Variants in RTKN2 observed in about 807,000 individuals in gnomAD.
RTKN2 encodes the protein rhotekin 2, also known as rhotekin-2.
A neutral mutation model predicts 71.5 loss-of-function variants in RTKN2; 69 were observed. The observed-to-expected ratio is 0.96, with a 90% CI of 0.79 to 1.18. The LOEUF (loss-of-function observed/expected upper bound fraction) is 1.18. RTKN2 is among the 50% of genes most tolerant of loss of function. The pLI, the probability that RTKN2 is intolerant of heterozygous loss-of-function variation, is 0.00. For synonymous variants in RTKN2, 236 were observed against 236.5 expected, an observed-to-expected ratio of 1.00 and a Z score of 0.02; for missense variants, 724 against 719.7, an observed-to-expected ratio of 1.01 and a Z score of -0.07.
intron 1 of RTKN2, among the ~76,000 whole-genome samples, chr10:62,264,313 T>C (rs1395069181): frequency 6.6e-6 from 1 of 152,214 alleles, no homozygotes; most frequent in Non-Finnish European, 1.5e-5. Flanking sequence ...AATTACCTTC[T>C]GTAATTACAT....
rs1418019640 is a variant in RTKN2 at position 62,196,036 on chromosome 10, C to T, written c.*1872G>A. 3.0e-6 allele frequency: 3 copies of T among 984,378 alleles called. No individual in the cohort carries two copies. Among genetic ancestry groups the T allele is most frequent in the Admixed American group, 6.2e-5 (1 of 16,212 alleles). 61.0% of individuals were successfully genotyped at this position (984,378 alleles called of 1,614,324 possible). On this transcript the variant is annotated 3_prime_UTR_variant, in exon 12 of 12. Transcript: ENST00000373789. ...AATACTGATTTGTAATAAAGGAAGG[C>T]ATCAACTAGGAAAAAAAAAAGAATG...
chr10:62,196,029 A>G lies in RTKN2; in HGVS notation c.*1879T>C. 1 of 985,144 alleles carries G rather than the reference A, an allele frequency of 1.0e-6. No individual in the cohort carries two copies. Among genetic ancestry groups the G allele is most frequent in the Non-Finnish European group, 1.2e-6 (1 of 829,672 alleles). The allele number at this position is 985,144 out of a possible 1,614,324, so 61.0% of individuals were successfully genotyped here. On this transcript the variant is annotated 3_prime_UTR_variant, in exon 12 of 12. Transcript: ENST00000373789. ...AAGTTTTAATACTGATTTGTAATAA[A>G]GGAAGGCATCAACTAGGAAAAAAAA...
intron 6 of RTKN2, among the ~76,000 whole-genome samples, chr10:62,227,846 T>C (rs924883073): frequency 6.6e-6 from 1 of 152,136 alleles, no homozygotes; most frequent in Non-Finnish European, 1.5e-5. Context: ...AGATTCCTGA[T>C]ATATTCTCTA....
intron 10 of RTKN2, among the ~76,000 whole-genome samples, chr10:62,204,066 T>C (rs1000624513): frequency 3.9e-5 from 6 of 152,188 alleles, no homozygotes; most frequent in African/African-American, 1.4e-4. Context: ...TTTTCCTTTT[T>C]TGGAAATGTC....
At chr10:62,191,156 G>A (rs1841217049), downstream of RTKN2, among the ~76,000 whole-genome samples, 1 of 151,926 alleles carries the variant, frequency 6.6e-6, no homozygotes, top group African/African-American at 2.4e-5. Flanking sequence ...GTTTTTTGAG[G>A]CAGGGTCTCA....
chr10:62,224,432 ATTAT>A (rs757260706), intron 6 of RTKN2, among the ~76,000 whole-genome samples: 11 of 152,182 alleles, frequency 7.2e-5, no homozygotes, highest in Non-Finnish European at 1.5e-4. Context: ...AAATCTGCAA[ATTAT>A]TTGTTTTAAT....
In RTKN2 at chr10:62,197,557, T is replaced by G; in HGVS notation, c.*351A>C. Reference sequence around the variant, plus strand: ...AGAATATGGTTCATATTTAACACATTTTAAATTACTAGACAGTCTCTCCCC... The same window carrying G: ...AGAATATGGTTCATATTTAACACATGTTAAATTACTAGACAGTCTCTCCCC... On this transcript the variant is annotated 3_prime_UTR_variant, in exon 12 of 12. Transcript: ENST00000373789. The G allele has an allele frequency of 3.0e-6, 3 of 1,011,552 alleles. No individual in the cohort carries two copies. Among genetic ancestry groups the G allele is most frequent in the Non-Finnish European group, 3.5e-6 (3 of 845,930 alleles). The allele number at this position is 1,011,552 out of a possible 1,614,324, so 62.7% of individuals were successfully genotyped here.
Position 62,268,674 on chromosome 10 carries a change from C to T in RTKN2, c.-64G>A. ...AAGGGAAGATTTGAAAAGCCCGCCC[C>T]TGGCAGGAGCCGCAGAGGACGCCAA... is the stretch of plus-strand genomic sequence containing the variant. On this transcript the variant is annotated 5_prime_UTR_variant, in exon 1 of 12. Transcript: ENST00000373789. 6.0e-6 allele frequency: 9 copies of T among 1,504,446 alleles called. No individual in the cohort carries two copies. In the East Asian group the frequency reaches 1.2e-4, roughly 21 times the overall value. The allele number at this position is 1,504,446 out of a possible 1,614,324, so 93.2% of individuals were successfully genotyped here.
intron 3 of RTKN2, among the ~76,000 whole-genome samples, chr10:62,241,875 A>G (rs988266049): frequency 3.7e-4 from 56 of 151,140 alleles, no homozygotes; most frequent in African/African-American, 1.4e-3. Flanking sequence ...ATTTTTTTCT[A>G]TTTTTAGGAG....
intron 6 of RTKN2, among the ~76,000 whole-genome samples, chr10:62,227,984 A>C (rs1287575617): frequency 6.6e-6 from 1 of 152,210 alleles, no homozygotes; most frequent in Admixed American, 6.5e-5. Flanking sequence ...GAAACAGATA[A>C]AGGAGGTAAG....
chr10:62,221,112 T>C (rs2132910791), intron 7 of RTKN2, among the ~76,000 whole-genome samples: 1 of 140,792 alleles, frequency 7.1e-6, no homozygotes, highest in Middle Eastern at 3.6e-3. Context: ...TAAATCTAAA[T>C]AAATATTAAA....
At chr10:62,266,604 T>C (rs1205629938) in intron 1 of RTKN2, among the ~76,000 whole-genome samples, 1 of 152,238 alleles carries the variant, frequency 6.6e-6, no homozygotes, top group African/African-American at 2.4e-5. Flanking sequence ...TGCAATGAGA[T>C]AGTATTACTT....
intron 7 of RTKN2, among the ~76,000 whole-genome samples, chr10:62,219,585 TTAA>T (rs1209236175): frequency 6.6e-6 from 1 of 152,144 alleles, no homozygotes; most frequent in Admixed American, 6.6e-5. Flanking sequence ...GAAATATGTA[TTAA>T]TACATTTTGG....
rs1841303690 is a variant in RTKN2, at chr10:62,195,454, T to G, written c.*2454A>C. 1 of 977,036 alleles carries G rather than the reference T, an allele frequency of 1.0e-6. No individual in the cohort carries two copies. The highest frequency in any genetic ancestry group is 1.8e-5 in the African/African-American group (1 of 57,042). 60.5% of individuals were successfully genotyped at this position (977,036 alleles called of 1,614,324 possible). A position where few individuals can be genotyped will look rare whatever the true frequency, so the allele number is the denominator to read the frequency against. ...AGTGCTTAACTATTTTTAGATTTTT[T>G]TTTTAAACTGTAAAGGAAGGGAGGA... On this transcript the variant is annotated 3_prime_UTR_variant, in exon 12 of 12. Transcript: ENST00000373789.
intron 2 of RTKN2, among the ~76,000 whole-genome samples, chr10:62,250,097 C>T (rs558390562): frequency 3.3e-5 from 5 of 152,240 alleles, no homozygotes; most frequent in South Asian, 4.1e-4. Context: ...CATCTGAAAC[C>T]GTCAAAACCA....
At chr10:62,236,510 A>C (rs1842262212) in intron 5 of RTKN2, among the ~76,000 whole-genome samples, 2 of 152,022 alleles carry the variant, frequency 1.3e-5, no homozygotes, top group African/African-American at 2.4e-5. Flanking sequence ...TCATTATGGA[A>C]AGCAGTATAG....
rs1259632107 is a variant in RTKN2 at position 62,197,615 on chromosome 10, G to C, written c.*293C>G. ...ATTTTAATGCTTTATTCTGCCTAGGGCTTATTCACTGCCTGGTACTAATTC... is the reference window on the plus strand; with the variant it reads ...ATTTTAATGCTTTATTCTGCCTAGGCCTTATTCACTGCCTGGTACTAATTC... On this transcript the variant is annotated 3_prime_UTR_variant, in exon 12 of 12. Transcript: ENST00000373789. The C allele has an allele frequency of 8.6e-7, 1 of 1,161,182 alleles. No homozygotes were observed. The highest frequency in any genetic ancestry group is 1.1e-6 in the Non-Finnish European group (1 of 941,922). The allele number at this position is 1,161,182 out of a possible 1,614,324, so 71.9% of individuals were successfully genotyped here. A position where few individuals can be genotyped will look rare whatever the true frequency, so the allele number is the denominator to read the frequency against.
At chr10:62,252,330 A>G (rs769786880) in intron 2 of RTKN2, among the ~76,000 whole-genome samples, 4 of 152,122 alleles carry the variant, frequency 2.6e-5, no homozygotes, top group Non-Finnish European at 5.9e-5. Context: ...TGTGTTGGCT[A>G]AGGAATTTAT....
rs191159688 is a variant in RTKN2 at position 62,198,122 on chromosome 10, G to T, written c.1616C>A (p.Ser539Ter). 3 of 1,614,014 alleles carry T rather than the reference G, an allele frequency of 1.9e-6. No individual in the cohort carries two copies. The highest frequency in any genetic ancestry group is 1.3e-5 in the African/African-American group (1 of 74,918). ...NWGKTSVSQT[S>*]SLDTKLSTLM... Reference sequence around the variant, plus strand: ...AGTTGATAGTTTGGTATCCAAAGACGATGTCTGAGATACACTTGTTTTTCC... The same window carrying T: ...AGTTGATAGTTTGGTATCCAAAGACTATGTCTGAGATACACTTGTTTTTCC... Residue 539 changes from serine (S) to a stop codon, truncating the protein, a stop_gained, in exon 12 of 12, where the codon TCG (serine) becomes TAG (stop). Transcript: ENST00000373789. LOFTEE classifies it high-confidence loss of function.
Sources: gnomAD v4.1 joint callset for allele counts (sites outside exome capture counted in the v4.1 genomes callset) on GRCh38, gnomAD v4.1.1 for gene constraint, MANE v1.5 for transcripts, NCBI Gene and HGNC (gene_info 2026-07-23, HGNC 2026-07-21) for gene names.